The following KCNQ3 variants were observed in gnomAD, a reference collection of about 807,000 sequenced individuals.
KCNQ3 encodes the protein potassium voltage-gated channel subfamily KQT member 3.
A neutral mutation model predicts 92.5 loss-of-function variants in KCNQ3; 30 were observed. The ratio of observed to expected loss-of-function variants is 0.32; its 90% CI spans 0.24 to 0.44. The LOEUF (loss-of-function observed/expected upper bound fraction) is 0.44, where lower values mean the gene tolerates loss of function less well. KCNQ3 is among the 20% of genes least tolerant of loss of function. KCNQ3 has a pLI of 1.00. For synonymous variants in KCNQ3, 450 were observed against 468.8 expected, an observed-to-expected ratio of 0.96 and a Z score of 0.52; for missense variants, 913 against 1,140.3, an observed-to-expected ratio of 0.80 and a Z score of 2.87.
intron 1 of KCNQ3, among the ~76,000 whole-genome samples, chr8:132,352,254 C>A (rs947334521): frequency 3.9e-5 from 6 of 152,038 alleles, no homozygotes; most frequent in African/African-American, 1.5e-4. Context: ...GTGTTAGGAG[C>A]AGAAATAGGG....
At chr8:132,465,468 T>G (rs1822150952) in intron 1 of KCNQ3, among the ~76,000 whole-genome samples, 1 of 151,796 alleles carries the variant, frequency 6.6e-6, no homozygotes, top group Non-Finnish European at 1.5e-5. Context: ...GGCTCATGCC[T>G]GTAATCCCAG....
At chr8:132,316,020 T>G (rs1817733469) in intron 1 of KCNQ3, among the ~76,000 whole-genome samples, 2 of 152,192 alleles carry the variant, frequency 1.3e-5, no homozygotes, top group Non-Finnish European at 1.5e-5. Flanking sequence ...ATAGAAACAT[T>G]TTTACTAACA....
intron 9 of KCNQ3, among the ~76,000 whole-genome samples, chr8:132,152,446 A>G (rs1223633240): frequency 6.6e-6 from 1 of 152,208 alleles, no homozygotes; most frequent in African/African-American, 2.4e-5. Context: ...AGAATTTGGA[A>G]ACTAGTTGTG....
chr8:132,475,547 A>G (rs1408237912), intron 1 of KCNQ3, among the ~76,000 whole-genome samples: 1 of 152,178 alleles, frequency 6.6e-6, no homozygotes, highest in Non-Finnish European at 1.5e-5. Flanking sequence ...TGCCCTAAAG[A>G]TCTGTGGAAC....
intron 1 of KCNQ3, among the ~76,000 whole-genome samples, chr8:132,250,176 C>A (rs1166527031): frequency 1.3e-5 from 2 of 152,182 alleles, no homozygotes; most frequent in Admixed American, 6.5e-5. Flanking sequence ...AGGCACTGAG[C>A]GCGAGCGAGG....
intron 10 of KCNQ3, chr8:132,140,504 A>G: frequency 2.9e-6 from 1 of 348,332 alleles, no homozygotes; most frequent in Non-Finnish European, 5.3e-6. Flanking sequence ...CACAGAAGCC[A>G]GCAAACAACA....
chr8:132,338,878 C>A (rs1394815056), intron 1 of KCNQ3, among the ~76,000 whole-genome samples: 2 of 152,148 alleles, frequency 1.3e-5, no homozygotes, highest in Non-Finnish European at 2.9e-5. Context: ...CCTCAGTGAG[C>A]CTTCTCTTAA....
chr8:132,372,773 C>CA (rs60597689), intron 1 of KCNQ3, among the ~76,000 whole-genome samples: 1,118 of 104,092 alleles, frequency 0.011, 20 homozygotes, highest in Middle Eastern at 0.028. Context: ...AAAAAAAAAA[C>CA]AAAAAAAAAA....
chr8:132,180,450 T>C, intron 3 of KCNQ3, 121 bp from the exon 4 acceptor site: 1 of 997,686 alleles, frequency 1.0e-6, no homozygotes, highest in Non-Finnish European at 1.5e-6. Flanking sequence ...TGGGACAATC[T>C]GAGCACTGCT....
chr8:132,368,657 AAAAAG>A (rs970361591), intron 1 of KCNQ3, among the ~76,000 whole-genome samples: 29 of 152,312 alleles, frequency 1.9e-4, no homozygotes, highest in Admixed American at 7.8e-4. Flanking sequence ...TGTCTCAAAA[AAAAAG>A]AAAAGAAAAG....
chr8:132,416,287 A>G (rs1002425899), intron 1 of KCNQ3, among the ~76,000 whole-genome samples: 1 of 152,218 alleles, frequency 6.6e-6, no homozygotes, highest in Non-Finnish European at 1.5e-5. Flanking sequence ...TTTGGAATTC[A>G]AAAACTTATC....
chr8:132,219,982 T>A (rs1814168444), intron 1 of KCNQ3, among the ~76,000 whole-genome samples: 2 of 152,202 alleles, frequency 1.3e-5, no homozygotes, highest in African/African-American at 4.8e-5. Flanking sequence ...TGAGCATGAA[T>A]CCCAAAAACC....
chr8:132,187,624 A>G (rs1163352973), intron 1 of KCNQ3, among the ~76,000 whole-genome samples: 1 of 151,940 alleles, frequency 6.6e-6, no homozygotes, highest in Non-Finnish European at 1.5e-5. Flanking sequence ...GACGATGATG[A>G]TGGTGGTGGT....
In KCNQ3 at chr8:132,398,302, A is replaced by G. The variant is rs559653681; in HGVS notation, c.386+81845T>C. On this transcript the variant is annotated intron_variant, in intron 1 of 14. Transcript: ENST00000388996. ...TACTTTCCTTTTTTCTGTGTGATATAGTCTCTTCAAATTTTTGAGTCTCTT... is the reference window on the plus strand; with the variant it reads ...TACTTTCCTTTTTTCTGTGTGATATGGTCTCTTCAAATTTTTGAGTCTCTT... Among the ~76,000 whole-genome samples the G allele has an allele frequency of 2.0e-5, 3 of 152,228 alleles. No homozygotes were observed. The East Asian group carries it at 5.8e-4, about 29-fold the overall frequency.
intron 1 of KCNQ3, among the ~76,000 whole-genome samples, chr8:132,338,918 G>A (rs776825186): frequency 1.3e-5 from 2 of 152,220 alleles, no homozygotes; most frequent in Non-Finnish European, 2.9e-5. Context: ...GTCAGGGGGA[G>A]AGGGAGGTCA....
chr8:132,298,827 G>C (rs933259224), intron 1 of KCNQ3, among the ~76,000 whole-genome samples: 1 of 152,072 alleles, frequency 6.6e-6, no homozygotes, highest in African/African-American at 2.4e-5. Flanking sequence ...AGAATCCTTT[G>C]AACTCAGGAG....
chr8:132,288,711 T>C lies in KCNQ3; in HGVS notation c.387-102530A>G, dbSNP rs142386279. ...GGTGTTTTTTTTTCTCTTACATGTC[T>C]ATTTTGTTCTCTGGATCTTGAGATC... On this transcript the variant is annotated intron_variant, in intron 1 of 14. Transcript: ENST00000388996. Among the ~76,000 whole-genome samples the C allele has an allele frequency of 3.2e-3, 493 of 152,308 alleles. 1 individual carries two copies. The highest frequency in any genetic ancestry group is 0.011 in the African/African-American group (463 of 41,574).
chr8:132,217,995 T>C (rs953636574), intron 1 of KCNQ3, among the ~76,000 whole-genome samples: 2 of 152,202 alleles, frequency 1.3e-5, no homozygotes, highest in Admixed American at 6.5e-5. Flanking sequence ...ATGTTATTAA[T>C]TTGCTTAGCC....
At chr8:132,225,277 G>A (rs1330127914) in intron 1 of KCNQ3, among the ~76,000 whole-genome samples, 1 of 152,190 alleles carries the variant, frequency 6.6e-6, no homozygotes, top group Non-Finnish European at 1.5e-5. Flanking sequence ...CTCAAAGGTA[G>A]AGGGCACTGA....
Sources: gnomAD v4.1 joint callset for allele counts (sites outside exome capture counted in the v4.1 genomes callset) on GRCh38, gnomAD v4.1.1 for gene constraint, MANE v1.5 for transcripts, NCBI Gene and HGNC (gene_info 2026-07-23, HGNC 2026-07-21) for gene names.